The following SASH1 variants were observed in gnomAD, a reference collection of about 807,000 sequenced individuals.
The protein encoded by SASH1 is SAM and SH3 domain-containing protein 1.
SASH1 carries 44 observed loss-of-function variants against 125.2 expected under a neutral mutation model. The ratio of observed to expected loss-of-function variants is 0.35; its 90% CI spans 0.28 to 0.45. The LOEUF is 0.45. Ranked by LOEUF, SASH1 falls within the 20% of genes least tolerant of loss-of-function variation. The pLI, the probability that SASH1 is intolerant of heterozygous loss-of-function variation, is 1.00. For missense variants in SASH1, 1,426 were observed against 1,614.5 expected (o/e 0.88, Z 2.00); for synonymous variants, 639 against 649.1 (o/e 0.98, Z 0.24).
intron 1 of SASH1, among the ~76,000 whole-genome samples, chr6:148,325,943 C>A (rs1215136671): frequency 6.6e-6 from 1 of 151,882 alleles, no homozygotes; most frequent in African/African-American, 2.4e-5. Context: ...AGGTTAGGTT[C>A]CTTATGGCCA....
intron 2 of SASH1, among the ~76,000 whole-genome samples, chr6:148,420,809 A>G (rs1160288124): frequency 6.6e-6 from 1 of 152,138 alleles, no homozygotes; most frequent in African/African-American, 2.4e-5. Flanking sequence ...GGCTGGGCAC[A>G]GTGGCTCACA....
intron 1 of SASH1, among the ~76,000 whole-genome samples, chr6:148,383,087 G>T (rs1783215399): frequency 6.6e-6 from 1 of 152,246 alleles, no homozygotes; most frequent in African/African-American, 2.4e-5. Context: ...GTGGCAGGAA[G>T]TGATGACAGA....
Position 148,519,929 on chromosome 6 carries a change from C to G in SASH1, c.1209+36C>G, listed in dbSNP as rs1475047624. On this transcript the variant is annotated intron_variant, in intron 10 of 19. Transcript: ENST00000367467. The surrounding 1 kb of genome is among the most constrained non-coding windows in gnomAD (Gnocchi z 4.8). ...ATGGTGTTTGCTTCTATGACAACCA[C>G]CGTCGCAGGCACCACCTTCTGGTGT... 2 of 1,424,628 alleles carry G rather than the reference C, an allele frequency of 1.4e-6. No individual in the cohort carries two copies. The highest frequency in any genetic ancestry group is 1.4e-5 in the African/African-American group (1 of 69,940). The allele number at this position is 1,424,628 out of a possible 1,614,324, so 88.2% of individuals were successfully genotyped here.
intron 8 of SASH1, among the ~76,000 whole-genome samples, chr6:148,502,736 C>T (rs1248180200): frequency 1.5e-5 from 2 of 136,608 alleles, no homozygotes; most frequent in African/African-American, 5.4e-5. Flanking sequence ...AGGAGGGCAT[C>T]TAAGGTTGGG....
intron 2 of SASH1, among the ~76,000 whole-genome samples, chr6:148,398,988 C>A (rs1218839238): frequency 2.0e-4 from 31 of 152,234 alleles, no homozygotes; most frequent in Admixed American, 2.0e-3. Flanking sequence ...TCTCTTGGTG[C>A]CAGATTTGAT....
At chr6:148,222,563 G>A in the SASH1 span, among the ~76,000 whole-genome samples, 1 of 152,120 alleles carries the variant, frequency 6.6e-6, no homozygotes, top group African/African-American at 2.4e-5. Flanking sequence ...CTTCCAGAAA[G>A]ATTTGCAACT....
chr6:148,533,863 C>T lies in SASH1; in HGVS notation c.1827C>T (p.Tyr609=), dbSNP rs766133920. 26 of 1,613,968 alleles carry T rather than the reference C, an allele frequency of 1.6e-5. No individual in the cohort carries two copies. Among genetic ancestry groups the T allele is most frequent in the Admixed American group, 5.0e-5 (3 of 60,006 alleles). ...AAGTCGGCACGTTCAAGTTCATCTA[C>T]GTGGACGTGCTCAGTGAAGACGAGG... is the stretch of plus-strand genomic sequence containing the variant. ...NNKVGTFKFI[Y]VDVLSEDEEK... The change falls in exon 15 of 20, where the codon TAC becomes TAT. Residue 609 remains tyrosine (Y), a synonymous_variant. Coordinates refer to ENST00000367467, the MANE Select transcript of SASH1 (RefSeq NM_015278.5). This position sits in a 1 kb window ranked among gnomAD's most constrained non-coding sequence, Gnocchi z 6.2.
chr6:148,525,196 C>A, intron 10 of SASH1, 95 bp from the exon 11 acceptor site: 1 of 827,866 alleles, frequency 1.2e-6, no homozygotes. Flanking sequence ...ATTTGTGATT[C>A]AGAGATGTCC....
chr6:148,291,771 CA>C (rs1476608836), intron 1 of SASH1, among the ~76,000 whole-genome samples: 1 of 151,346 alleles, frequency 6.6e-6, no homozygotes, highest in Non-Finnish European at 1.5e-5. Flanking sequence ...AAATGAAAAC[CA>C]AAAATAAAAA....
At chr6:148,339,942 C>T (rs1168422145), upstream of SASH1, among the ~76,000 whole-genome samples, 2 of 152,142 alleles carry the variant, frequency 1.3e-5, no homozygotes, top group East Asian at 3.8e-4. Context: ...AGCAGGTGGC[C>T]ATTAGTATGG....
At chr6:148,440,687 G>T in intron 4 of SASH1, 4 of 426,904 alleles carry the variant, frequency 9.4e-6, no homozygotes, top group Non-Finnish European at 1.7e-5. Context: ...GGAAAGGATA[G>T]GTGCATTAAC....
chr6:148,506,378 G>T (rs1779804034), intron 8 of SASH1, among the ~76,000 whole-genome samples: 1 of 151,976 alleles, frequency 6.6e-6, no homozygotes, highest in Admixed American at 6.5e-5. Flanking sequence ...GGGAGACTGA[G>T]GCAGGAGGAT....
At position 148,533,997 on chromosome 6, in the gene SASH1, T is replaced by A. The variant is rs1242157071; in HGVS notation, c.1944+17T>A. 1.1e-5 allele frequency: 17 copies of A among 1,610,554 alleles called. No homozygotes were observed. Among genetic ancestry groups the A allele is most frequent in the Non-Finnish European group, 1.4e-5 (17 of 1,176,924 alleles). On this transcript the variant is annotated intron_variant, in intron 15 of 19. Coordinates refer to ENST00000367467, the MANE Select transcript of SASH1 (RefSeq NM_015278.5). This position sits in a 1 kb window ranked among gnomAD's most constrained non-coding sequence, Gnocchi z 6.2. ...AACCTAAAAGTCAGTCGCTTCTGAT[T>A]CTTGTCACACGCTACTACCTCACTG...
chr6:148,537,599 TTTC>T (rs1781925949), intron 16 of SASH1, among the ~76,000 whole-genome samples: 1 of 152,180 alleles, frequency 6.6e-6, no homozygotes, highest in Non-Finnish European at 1.5e-5. Context: ...TTTGCCATAT[TTTC>T]TTATTTCTTT....
intron 16 of SASH1, among the ~76,000 whole-genome samples, chr6:148,535,315 A>C (rs1781776800): frequency 6.6e-6 from 1 of 152,178 alleles, no homozygotes; most frequent in Admixed American, 6.5e-5. Flanking sequence ...TTCCCAAAAA[A>C]ATGGGTAGAC....
intron 8 of SASH1, among the ~76,000 whole-genome samples, chr6:148,502,385 T>C (rs977654191): frequency 6.6e-6 from 1 of 152,252 alleles, no homozygotes; most frequent in African/African-American, 2.4e-5. Flanking sequence ...GTGTGTTTCA[T>C]ATTTTCTACT....
intron 2 of SASH1, among the ~76,000 whole-genome samples, chr6:148,422,550 G>A (rs1255086025): frequency 2.6e-5 from 4 of 152,174 alleles, no homozygotes; most frequent in Non-Finnish European, 4.4e-5. Context: ...GAGCAATGAA[G>A]TATGTTTGCT....
At chr6:148,510,373 A>G (rs1780044960) in intron 8 of SASH1, among the ~76,000 whole-genome samples, 1 of 152,190 alleles carries the variant, frequency 6.6e-6, no homozygotes, top group African/African-American at 2.4e-5. Context: ...TCACCTTCTC[A>G]CTGAGAAGAT....
chr6:148,354,595 T>A (rs1308559544), intron 1 of SASH1, among the ~76,000 whole-genome samples: 2 of 152,150 alleles, frequency 1.3e-5, no homozygotes, highest in Non-Finnish European at 2.9e-5. Flanking sequence ...ATTAAGAGTC[T>A]TAGGTTTCCA....
Sources: allele counts gnomAD v4.1 joint callset (sites outside exome capture counted in the v4.1 genomes callset), GRCh38; gene constraint gnomAD v4.1.1; non-coding constraint Gnocchi (gnomAD v3.1); transcripts MANE v1.5; gene names NCBI Gene and HGNC (gene_info 2026-07-23, HGNC 2026-07-21).